SLAIN1: variants seen among roughly 807,000 people sequenced by gnomAD.
The protein encoded by SLAIN1 is SLAIN family member 1.
In SLAIN1, 17 loss-of-function variants were observed where a neutral mutation model predicts 55.4. The ratio of observed to expected loss-of-function variants is 0.31; its 90% CI spans 0.21 to 0.46. The LOEUF (loss-of-function observed/expected upper bound fraction) is 0.46. Among genes scored for constraint, SLAIN1 ranks in the 20% least tolerant of loss-of-function variants. The pLI is 1.00. For missense variants in SLAIN1, 682 were observed against 785.1 expected (o/e 0.87, Z 1.57); for synonymous variants, 348 against 337.4 (o/e 1.03, Z -0.35).
Position 77,746,797 on chromosome 13 carries a change from A to G in SLAIN1, c.1200A>G (p.Gln400=). ...QYFPSNNYQQ[Q]QYYSPQAQTP... ...TTCCTTCAAATAATTACCAGCAGCA[A>G]CAGTATTATTCACCTCAAGCCCAAA... The change falls in exon 4 of 7, where the codon CAA becomes CAG. Residue 400 remains glutamine (Q), a synonymous_variant. Transcript: ENST00000418532. 1 of 1,613,836 alleles carries G rather than the reference A, an allele frequency of 6.2e-7. No homozygotes were observed. Among genetic ancestry groups the G allele is most frequent in the African/African-American group, 1.3e-5 (1 of 75,020 alleles).
chr13:77,739,435 A>G (rs1175226724), intron 2 of SLAIN1, among the ~76,000 whole-genome samples: 1 of 152,110 alleles, frequency 6.6e-6, no homozygotes, highest in African/African-American at 2.4e-5. Flanking sequence ...TGTAGTGAGA[A>G]GAATGAAAAG....
At chr13:77,740,531 C>T (rs964354216) in intron 2 of SLAIN1, among the ~76,000 whole-genome samples, 7 of 98,204 alleles carry the variant, frequency 7.1e-5, no homozygotes, top group Non-Finnish European at 2.0e-5. Context: ...GCGAACCGCC[C>T]CCCCCCCCTT....
intron 2 of SLAIN1, among the ~76,000 whole-genome samples, chr13:77,737,032 C>T (rs905775241): frequency 5.9e-5 from 9 of 152,054 alleles, no homozygotes; most frequent in Non-Finnish European, 1.2e-4. Context: ...TCCCTGAACT[C>T]CAACTCCATA....
At chr13:77,713,393 A>G (rs2091172829) in intron 1 of SLAIN1, among the ~76,000 whole-genome samples, 3 of 152,336 alleles carry the variant, frequency 2.0e-5, no homozygotes, top group Middle Eastern at 3.4e-3. Context: ...AACAGAAGAC[A>G]TTTATGCGGC....
chr13:77,741,873 G>A (rs1425820614), intron 2 of SLAIN1, among the ~76,000 whole-genome samples: 1 of 151,648 alleles, frequency 6.6e-6, no homozygotes, highest in African/African-American at 2.4e-5. Flanking sequence ...TTAATACTTG[G>A]TTTTTCAAGT....
In SLAIN1 at chr13:77,744,376, G is replaced by T; in HGVS notation, c.860G>T (p.Gly287Val). The change falls in exon 3 of 7, where the codon GGA (glycine) becomes GTA (valine). Residue 287 changes from glycine (G) to valine (V), a missense_variant. Gly to Val is a moderately radical substitution (Grantham distance 109). Coordinates refer to ENST00000418532, the MANE Select transcript of SLAIN1 (RefSeq NM_001242868.2). ...TTGGAGGATGATTCTATCTCCATGG[G>T]ATATAAATTACAGGACCTCACTGAT... ...SELEDDSISM[G>V]YKLQDLTDVQ... 1 of 1,612,784 alleles carries T rather than the reference G, an allele frequency of 6.2e-7. No homozygotes were observed. Among genetic ancestry groups the T allele is most frequent in the Non-Finnish European group, 8.5e-7 (1 of 1,179,244 alleles).
At chr13:77,736,637 C>G (rs1873133839) in intron 2 of SLAIN1, among the ~76,000 whole-genome samples, 1 of 152,120 alleles carries the variant, frequency 6.6e-6, no homozygotes, top group African/African-American at 2.4e-5. Flanking sequence ...CCTGCTAACA[C>G]TGATTTTTCC....
At position 77,701,392 on chromosome 13, in the gene SLAIN1, T is replaced by C. The variant is rs959084353; in HGVS notation, c.626+2853T>C. Reference sequence around the variant, plus strand: ...ACTTGGACAATATTTGGGTTAAGAGTTATGTGTGTAAGGAAAATCATGACT... The same window carrying C: ...ACTTGGACAATATTTGGGTTAAGAGCTATGTGTGTAAGGAAAATCATGACT... On this transcript the variant is annotated intron_variant, in intron 1 of 6. Coordinates refer to ENST00000418532, the MANE Select transcript of SLAIN1 (RefSeq NM_001242868.2). Among the ~76,000 whole-genome samples the C allele has an allele frequency of 2.0e-5, 3 of 152,226 alleles. No homozygotes were observed. In the South Asian group the frequency reaches 6.2e-4, roughly 32 times the overall value.
chr13:77,740,008 T>C (rs1416032173), intron 2 of SLAIN1, among the ~76,000 whole-genome samples: 4 of 151,990 alleles, frequency 2.6e-5, no homozygotes, highest in Non-Finnish European at 4.4e-5. Context: ...ATTCATTCAG[T>C]AGAAGATGAT....
intron 4 of SLAIN1, among the ~76,000 whole-genome samples, chr13:77,751,807 G>T (rs907955652): frequency 6.6e-6 from 1 of 152,176 alleles, no homozygotes; most frequent in Admixed American, 6.5e-5. Context: ...CTGTGCTCTA[G>T]GAAGAGTGGA....
At chr13:77,727,848 T>C (rs2091322501) in intron 2 of SLAIN1, among the ~76,000 whole-genome samples, 1 of 152,208 alleles carries the variant, frequency 6.6e-6, no homozygotes, top group South Asian at 2.1e-4. Context: ...ACTTCAGAAA[T>C]GTGGAGTACT....
chr13:77,747,132 G>C (rs911335171), intron 4 of SLAIN1, among the ~76,000 whole-genome samples: 10 of 151,830 alleles, frequency 6.6e-5, no homozygotes, highest in African/African-American at 2.4e-4. Flanking sequence ...TAGTAGAGAT[G>C]GGGTTTCACC....
chr13:77,748,961 T>G (rs965163482), intron 4 of SLAIN1, among the ~76,000 whole-genome samples: 1 of 152,326 alleles, frequency 6.6e-6, no homozygotes, highest in Admixed American at 6.5e-5. Context: ...TTACATTGCA[T>G]GTAGCCTGGA....
At chr13:77,741,646 ATTT>A (rs11330491) in intron 2 of SLAIN1, 14 of 141,516 alleles carry the variant, frequency 9.9e-5, no homozygotes, top group Non-Finnish European at 7.7e-5. Context: ...AGTAAAAGGA[ATTT>A]TTTTTTTTTT....
intron 6 of SLAIN1, among the ~76,000 whole-genome samples, chr13:77,761,661 G>A (rs974238365): frequency 2.6e-5 from 4 of 152,214 alleles, no homozygotes; most frequent in Non-Finnish European, 4.4e-5. Context: ...GGTTTGAAAA[G>A]CATCTTAATG....
At chr13:77,706,256 T>C (rs1028926953) in intron 1 of SLAIN1, among the ~76,000 whole-genome samples, 1 of 152,136 alleles carries the variant, frequency 6.6e-6, no homozygotes. Context: ...TCATAATGGT[T>C]TTTATGGTTT....
rs1018846540 is a variant in SLAIN1, at chr13:77,697,835, G to A, written c.-79G>A. ...CCCAGGCCGGGGCGACAGGGAAGGA[G>A]CCGTAGCCTCCCCGTGGCCCGAGGA... is the stretch of plus-strand genomic sequence containing the variant. On this transcript the variant is annotated 5_prime_UTR_variant, in exon 1 of 7. Coordinates refer to ENST00000418532, the MANE Select transcript of SLAIN1 (RefSeq NM_001242868.2). The A allele has an allele frequency of 2.3e-5, 28 of 1,227,996 alleles. No individual in the cohort carries two copies. The highest frequency in any genetic ancestry group is 2.7e-5 in the Non-Finnish European group (27 of 985,194). The allele number at this position is 1,227,996 out of a possible 1,614,324, so 76.1% of individuals were successfully genotyped here. A position where few individuals can be genotyped will look rare whatever the true frequency, so the allele number is the denominator to read the frequency against.
At position 77,728,052 on chromosome 13, in the gene SLAIN1, T is replaced by A. The variant is rs190381382; in HGVS notation, c.766+8381T>A. Among the ~76,000 whole-genome samples, 3 of 152,356 alleles carry A rather than the reference T, an allele frequency of 2.0e-5. No individual in the cohort carries two copies. The East Asian group carries it at 5.8e-4, about 29-fold the overall frequency. On this transcript the variant is annotated intron_variant, in intron 2 of 6. Coordinates refer to ENST00000418532, the MANE Select transcript of SLAIN1 (RefSeq NM_001242868.2). ...ATCTTACACTGAAAAATTTTGTAAG[T>A]GTAGTTTATTATTCAACATAGAAAA...
chr13:77,716,458 C>G (rs1456280462), intron 1 of SLAIN1, among the ~76,000 whole-genome samples: 2 of 151,846 alleles, frequency 1.3e-5, no homozygotes, highest in African/African-American at 4.8e-5. Context: ...ATTATGTGGA[C>G]CAATTTAAGG....
Sources: allele counts gnomAD v4.1 joint callset (sites outside exome capture counted in the v4.1 genomes callset), GRCh38; gene constraint gnomAD v4.1.1; transcripts MANE v1.5; gene names NCBI Gene and HGNC (gene_info 2026-07-23, HGNC 2026-07-21).